The following ADAMTSL1 variants were observed in gnomAD, a reference collection of about 807,000 sequenced individuals.
ADAMTSL1 encodes ADAMTS-like protein 1.
Under a neutral mutation model 201.8 loss-of-function variants are expected in ADAMTSL1, and 126 were observed. The ratio of observed to expected loss-of-function variants is 0.62; its 90% CI spans 0.54 to 0.72. ADAMTSL1 has a LOEUF of 0.72. Ranked by LOEUF, ADAMTSL1 falls within the 30% of genes least tolerant of loss-of-function variation. The probability of loss-of-function intolerance (pLI) is 0.00; values close to 1 mark genes in which losing one functional copy is unlikely to be tolerated. For missense variants in ADAMTSL1, 2,679 were observed against 2,277.8 expected (o/e 1.18, Z -3.59); for synonymous variants, 1,121 against 903.4 (o/e 1.24, Z -4.32).
In ADAMTSL1 at chr9:18,567,549, G is replaced by A. The variant is rs916659931; in HGVS notation, c.238-6481G>A. ...AGGGAGAACAGATTTCATGGGGATA[G>A]CAGGAGGATCAGGGATTCAGGTTTG... is the stretch of plus-strand genomic sequence containing the variant. On this transcript the variant is annotated intron_variant, in intron 3 of 28. Coordinates refer to ENST00000380548, the MANE Select transcript of ADAMTSL1 (RefSeq NM_001040272.6). Among the ~76,000 whole-genome samples the A allele has an allele frequency of 5.3e-5, 8 of 152,176 alleles. 1 individual carries two copies. Among genetic ancestry groups the A allele is most frequent in the Admixed American group, 4.6e-4 (7 of 15,274 alleles).
intron 2 of ADAMTSL1, among the ~76,000 whole-genome samples, chr9:18,210,116 C>T (rs1392871896): frequency 6.6e-6 from 1 of 151,964 alleles, no homozygotes. Flanking sequence ...GCCTCTTTCT[C>T]TTAACATAAT....
At chr9:18,569,376 A>G (rs1356679284) in intron 3 of ADAMTSL1, among the ~76,000 whole-genome samples, 1 of 152,226 alleles carries the variant, frequency 6.6e-6, no homozygotes, top group African/African-American at 2.4e-5. Flanking sequence ...AAATGATTAT[A>G]TTAAATGGCT....
Position 17,911,006 on chromosome 9 carries a change from G to A in ADAMTSL1, c.87+4084G>A, listed in dbSNP as rs1825889674. On this transcript the variant is annotated intron_variant, in intron 1 of 29. Transcript: ENST00000680146. ...ACTGTAGCTATAGTGAAAGGAGACT[G>A]TGCAGTCAAGAGCTTTTGCTACCCA... is the stretch of plus-strand genomic sequence containing the variant. Among the ~76,000 whole-genome samples the A allele has an allele frequency of 3.0e-5, 2 of 67,588 alleles. 1 individual carries two copies. The highest frequency in any genetic ancestry group is 9.1e-5 in the Non-Finnish European group (2 of 21,988). The allele number at this position is 67,588 out of a possible 152,430, so 44.3% of individuals were successfully genotyped here. A position where few individuals can be genotyped will look rare whatever the true frequency, so the allele number is the denominator to read the frequency against.
chr9:18,885,765 T>A (rs988437722), intron 23 of ADAMTSL1, among the ~76,000 whole-genome samples: 3 of 151,714 alleles, frequency 2.0e-5, no homozygotes, highest in Non-Finnish European at 4.4e-5. Context: ...GGGAAAAAAA[T>A]AAGTGAGCAA....
chr9:18,519,865 A>T (rs960689170), intron 2 of ADAMTSL1, among the ~76,000 whole-genome samples: 10 of 152,310 alleles, frequency 6.6e-5, no homozygotes, highest in African/African-American at 2.2e-4. Context: ...CATGACCTTT[A>T]TGGTCTACAG....
intron 4 of ADAMTSL1, among the ~76,000 whole-genome samples, chr9:18,620,002 T>C (rs530547646): frequency 2.3e-4 from 34 of 150,056 alleles, no homozygotes; most frequent in Non-Finnish European, 3.2e-4. Context: ...GCAATTAGGT[T>C]ATCAGTTTTC....
chr9:18,693,138 G>A (rs1272271486), intron 13 of ADAMTSL1, among the ~76,000 whole-genome samples: 1 of 152,168 alleles, frequency 6.6e-6, no homozygotes, highest in East Asian at 1.9e-4. Context: ...GTTCCAAAAT[G>A]CTCCAGCGCT....
At chr9:18,878,310 G>A (rs890202340) in intron 23 of ADAMTSL1, among the ~76,000 whole-genome samples, 1 of 152,190 alleles carries the variant, frequency 6.6e-6, no homozygotes, top group African/African-American at 2.4e-5. Flanking sequence ...TTCTGTCCAG[G>A]AAACTTCATA....
chr9:18,871,644 A>G (rs533846897), intron 23 of ADAMTSL1, among the ~76,000 whole-genome samples: 22 of 152,334 alleles, frequency 1.4e-4, no homozygotes, highest in African/African-American at 5.0e-4. Flanking sequence ...TTTTCCATCC[A>G]CAGGGGTGGT....
At chr9:17,951,937 A>G (rs1386644386) in intron 1 of ADAMTSL1, among the ~76,000 whole-genome samples, 1 of 151,726 alleles carries the variant, frequency 6.6e-6, no homozygotes, top group African/African-American at 2.4e-5. Context: ...AGTAGCTGGG[A>G]CCACAGGCAT....
chr9:18,683,225 T>TTTTTG (rs1830615503), intron 12 of ADAMTSL1, among the ~76,000 whole-genome samples: 2 of 53,130 alleles, frequency 3.8e-5, no homozygotes, highest in Middle Eastern at 8.9e-3. Flanking sequence ...ACTGAGGTTT[T>TTTTTG]TTTTGTTTTT....
Position 18,574,073 on chromosome 9 carries a change from C to G in ADAMTSL1, c.281C>G (p.Ser94Ter), listed in dbSNP as rs190050504. 3 of 1,613,950 alleles carry G rather than the reference C, an allele frequency of 1.9e-6. No homozygotes were observed. The African/African-American group carries it at 4.0e-5, about 22-fold the overall frequency. ...EAGDFRAQQC[S>*]AHNDVKHHGQ... ...GGTGATTTCCGAGCTCAGCAATGCT[C>G]AGCTCATAATGATGTCAAGCACCAT... The change falls in exon 4 of 29, where the codon TCA becomes TGA. Residue 94 changes from serine (S) to a stop codon, truncating the protein, a stop_gained. Coordinates refer to ENST00000380548, the MANE Select transcript of ADAMTSL1 (RefSeq NM_001040272.6). LOFTEE classifies it high-confidence loss of function.
At chr9:18,745,101 A>G (rs1201918356) in intron 15 of ADAMTSL1, among the ~76,000 whole-genome samples, 2 of 152,202 alleles carry the variant, frequency 1.3e-5, no homozygotes, top group Admixed American at 6.5e-5. Flanking sequence ...TAAGTAACAA[A>G]GAAGTATTTT....
intron 2 of ADAMTSL1, among the ~76,000 whole-genome samples, chr9:18,315,970 G>A (rs1303329151): frequency 6.6e-6 from 1 of 152,302 alleles, no homozygotes; most frequent in South Asian, 2.1e-4. Context: ...CTAAGCATCA[G>A]CTGGCTTGAG....
At position 18,737,319 on chromosome 9, in the gene ADAMTSL1, C is replaced by CAA. The variant is rs59511409; in HGVS notation, c.2006+15677_2006+15678dup. Among the ~76,000 whole-genome samples the CAA allele has an allele frequency of 3.5e-3, 185 of 53,490 alleles. 7 individuals carry two copies. The highest frequency in any genetic ancestry group is 8.8e-3 in the African/African-American group (113 of 12,898). 35.1% of individuals were successfully genotyped at this position (53,490 alleles called of 152,430 possible). A position where few individuals can be genotyped will look rare whatever the true frequency, so the allele number is the denominator to read the frequency against. Reference sequence around the variant, plus strand: ...GCCCAACAAGAGTGAAACTCTGTCTCAAAAAAAAAAAAAAAAAAAAAAAAG... The same window carrying CAA: ...GCCCAACAAGAGTGAAACTCTGTCTCAAAAAAAAAAAAAAAAAAAAAAAAAAG... On this transcript the variant is annotated intron_variant, in intron 15 of 28. Transcript: ENST00000380548.
chr9:18,626,959 T>TTCTTC (rs1228280595), intron 5 of ADAMTSL1, among the ~76,000 whole-genome samples: 1 of 151,104 alleles, frequency 6.6e-6, no homozygotes, highest in African/African-American at 2.4e-5. Context: ...TTCTTTTCTT[T>TTCTTC]TCTTTTTCTT....
At chr9:18,228,110 A>G (rs546982458) in intron 2 of ADAMTSL1, among the ~76,000 whole-genome samples, 53 of 152,346 alleles carry the variant, frequency 3.5e-4, no homozygotes, top group African/African-American at 1.3e-3. Flanking sequence ...ACAACAATGC[A>G]TGCAAAATTT....
intron 2 of ADAMTSL1, among the ~76,000 whole-genome samples, chr9:18,460,800 C>T (rs888459160): frequency 2.0e-5 from 3 of 152,164 alleles, no homozygotes; most frequent in African/African-American, 4.8e-5. Flanking sequence ...TTCTGCAACA[C>T]ATACAATGAA....
At chr9:17,991,914 C>A (rs139037517) in intron 1 of ADAMTSL1, among the ~76,000 whole-genome samples, 2 of 152,232 alleles carry the variant, frequency 1.3e-5, no homozygotes, top group South Asian at 2.1e-4. Context: ...TGGTACCCTG[C>A]GACACTGCCT....
Sources: allele counts gnomAD v4.1 joint callset (sites outside exome capture counted in the v4.1 genomes callset), GRCh38; gene constraint gnomAD v4.1.1; transcripts MANE v1.5; gene names NCBI Gene and HGNC (gene_info 2026-07-23, HGNC 2026-07-21).